The following POMGNT2 variants were observed in gnomAD, a reference collection of about 807,000 sequenced individuals.
The protein encoded by POMGNT2 is protein O-linked-mannose beta-1,4-N-acetylglucosaminyltransferase 2.
POMGNT2 carries 32 observed loss-of-function variants against 37.8 expected under a neutral mutation model. The observed-to-expected ratio is 0.85, with a 90% CI of 0.64 to 1.14. The LOEUF is 1.14. Ranked by LOEUF, POMGNT2 falls within the 50% of genes most tolerant of loss-of-function variation. The pLI is 0.00. For missense variants in POMGNT2, 705 were observed against 780.6 expected (o/e 0.90, Z 1.15); for synonymous variants, 340 against 336.8 (o/e 1.01, Z -0.10).
intron 1 of POMGNT2, among the ~76,000 whole-genome samples, chr3:43,083,458 G>C (rs896473403): frequency 6.6e-6 from 1 of 152,148 alleles, no homozygotes; most frequent in Non-Finnish European, 1.5e-5. Context: ...TATGGCTCAG[G>C]CATCTGCATT....
At position 43,098,113 on chromosome 3, in the gene POMGNT2, T is replaced by C. The variant is rs1015475404; in HGVS notation, c.-106+7723A>G. Among the ~76,000 whole-genome samples, 8 of 152,380 alleles carry C rather than the reference T, an allele frequency of 5.3e-5. 1 individual carries two copies. The highest frequency in any genetic ancestry group is 3.3e-4 in the Admixed American group (5 of 15,310). ...GGGTCAGCAACGGTGCAGAAGGTTT[T>C]ATATTTTACTTTCACAGCAATTTGA... On this transcript the variant is annotated intron_variant, in intron 1 of 1. Coordinates refer to ENST00000344697, the MANE Select transcript of POMGNT2 (RefSeq NM_032806.6). The surrounding 1 kb of genome is among the most constrained non-coding windows in gnomAD (Gnocchi z 4.3).
At chr3:43,087,271 T>C (rs1199625310) in intron 1 of POMGNT2, among the ~76,000 whole-genome samples, 2 of 152,196 alleles carry the variant, frequency 1.3e-5, no homozygotes, top group Non-Finnish European at 2.9e-5. Flanking sequence ...AGAAAACTAA[T>C]ATAGGGACCA....
Position 43,080,228 on chromosome 3 carries a change from CTG to C in POMGNT2, c.1202_1203del (p.Thr401SerfsTer5), listed in dbSNP as rs756456026. On this transcript the variant is annotated frameshift_variant, in exon 2 of 2. Transcript: ENST00000344697. LOFTEE classifies it high-confidence loss of function. Reference sequence around the variant, plus strand: ...TCCCAGGGCCGCTCAGGGTGTGTGACTGTGTTCTCTGGCATCATGTTCCGCCA... The same window carrying C: ...TCCCAGGGCCGCTCAGGGTGTGTGACTGTTCTCTGGCATCATGTTCCGCCA... The part of the protein sequence containing the change: ...VAWRNMMPEN[T>X]VTHPERPWDQ... 6.2e-6 allele frequency: 10 copies of C among 1,614,180 alleles called. No individual in the cohort carries two copies. Among genetic ancestry groups the C allele is most frequent in the Non-Finnish European group, 8.5e-6 (10 of 1,180,032 alleles).
Position 43,081,054 on chromosome 3 carries a change from G to A in POMGNT2, c.378C>T (p.Asn126=). The A allele has an allele frequency of 1.2e-6, 2 of 1,614,246 alleles. No homozygotes were observed. Among genetic ancestry groups the A allele is most frequent in the Non-Finnish European group, 1.7e-6 (2 of 1,180,050 alleles). The part of the protein sequence containing the change: ...LLDLSTVEDH[N]TQYFNFVELP... ...GCTCCACGAAGTTGAAGTACTGAGT[G>A]TTGTGGTCCTCCACGGTGGATAGGT... The change falls in exon 2 of 2, where the codon AAC becomes AAT. Residue 126 remains asparagine, a synonymous_variant. Transcript: ENST00000344697.
At chr3:43,103,601 A>G (rs2090035198) in intron 1 of POMGNT2, among the ~76,000 whole-genome samples, 1 of 152,112 alleles carries the variant, frequency 6.6e-6, no homozygotes, top group Non-Finnish European at 1.5e-5. Context: ...GAGGAAACAC[A>G]CAGCCAGGCT....
chr3:43,081,418 G>T lies in POMGNT2; in HGVS notation c.14C>A (p.Ala5Glu), dbSNP rs554958082. Reference sequence around the variant, plus strand: ...CGACACCAGGAGGGCGTTGAACACCGCCGAGAGGTGCATCCTAATGCCACT... The same window carrying T: ...CGACACCAGGAGGGCGTTGAACACCTCCGAGAGGTGCATCCTAATGCCACT... Reference protein sequence around the residue: MHLSAVFNALLVSVL... With the variant: MHLSEVFNALLVSVL... The change falls in exon 2 of 2, where the codon GCG (alanine) becomes GAG (glutamate). Residue 5 changes from alanine (A) to glutamate (E), a missense_variant. By Grantham distance (107) the Ala-to-Glu change is moderately radical (BLOSUM62 -1). Transcript: ENST00000344697. The T allele has an allele frequency of 1.9e-6, 3 of 1,570,288 alleles. No homozygotes were observed. In the Admixed American group the frequency reaches 5.4e-5, roughly 28 times the overall value.
intron 1 of POMGNT2, among the ~76,000 whole-genome samples, chr3:43,096,576 C>G (rs1032407073): frequency 1.3e-5 from 2 of 152,064 alleles, no homozygotes; most frequent in Non-Finnish European, 2.9e-5. Context: ...GTTAATAGCC[C>G]AGGCACCATT....
intron 1 of POMGNT2, among the ~76,000 whole-genome samples, chr3:43,092,492 C>A (rs1259225484): frequency 6.6e-6 from 1 of 152,154 alleles, no homozygotes; most frequent in Non-Finnish European, 1.5e-5. Context: ...AGAAAGGGGT[C>A]TGGCCATGTT....
At position 43,081,516 on chromosome 3, in the gene POMGNT2, A is replaced by G. The variant is rs1333672343; in HGVS notation, c.-85T>C. 2 of 1,165,418 alleles carry G rather than the reference A, an allele frequency of 1.7e-6. No homozygotes were observed. Among genetic ancestry groups the G allele is most frequent in the Non-Finnish European group, 2.4e-6 (2 of 843,716 alleles). The allele number at this position is 1,165,418 out of a possible 1,614,324, so 72.2% of individuals were successfully genotyped here. A position where few individuals can be genotyped will look rare whatever the true frequency, so the allele number is the denominator to read the frequency against. On this transcript the variant is annotated 5_prime_UTR_variant, in exon 2 of 2. It removes an upstream start codon present in the reference 5' UTR. Transcript: ENST00000344697. ...GCAGGCTTCACCCATCCCTATGGGC[A>G]TCCTGAGAACTGGTGAAAGCCTGCA...
At chr3:43,086,587 C>T (rs1420655422) in intron 1 of POMGNT2, among the ~76,000 whole-genome samples, 3 of 152,196 alleles carry the variant, frequency 2.0e-5, no homozygotes, top group Non-Finnish European at 4.4e-5. Context: ...AAGGGCCAAA[C>T]GTTGCAGCAG....
chr3:43,079,920 G>A lies in POMGNT2; in HGVS notation c.1512C>T (p.Val504=). Residue 504 remains valine, a synonymous_variant, in exon 2 of 2, where the codon GTC becomes GTT. Transcript: ENST00000344697. ...TAAGGTTCCATGGGATCTGCCAGGA[G>A]ACAGTGAGGCGGGCCTCGGAGGCGC... is the stretch of plus-strand genomic sequence containing the variant. ...VHGASEARLT[V]SWQIPWNLKY... is the part of the protein sequence containing the mutation. 1 of 1,614,148 alleles carries A rather than the reference G, an allele frequency of 6.2e-7. No homozygotes were observed. Among genetic ancestry groups the A allele is most frequent in the Non-Finnish European group, 8.5e-7 (1 of 1,180,026 alleles).
rs765996959 is a variant in POMGNT2 at position 43,080,349 on chromosome 3, C to T, written c.1083G>A (p.Val361=). ...TGACAGCATATGGGAAGAGCTCTAC[C>T]ACAGTTGCCCCACGGGGCAGGAAGA... ...TTLFLPRGAT[V]VELFPYAVNP... is the part of the protein sequence containing the mutation. Residue 361 remains valine, a synonymous_variant, in exon 2 of 2, where the codon GTG becomes GTA. Transcript: ENST00000344697. 8.7e-6 allele frequency: 14 copies of T among 1,613,982 alleles called. No individual in the cohort carries two copies. The African/African-American group carries it at 1.5e-4, about 17-fold the overall frequency.
At chr3:43,104,771 C>T (rs1252198051) in intron 1 of POMGNT2, among the ~76,000 whole-genome samples, 2 of 152,208 alleles carry the variant, frequency 1.3e-5, no homozygotes, top group Admixed American at 6.5e-5. Flanking sequence ...ATTTGCCACA[C>T]ACTTACTGTT....
At chr3:43,089,043 C>G (rs1056803015) in intron 1 of POMGNT2, among the ~76,000 whole-genome samples, 1 of 152,202 alleles carries the variant, frequency 6.6e-6, no homozygotes, top group Non-Finnish European at 1.5e-5. Flanking sequence ...TCAGTTTCCC[C>G]TGGACTCTTC....
In POMGNT2 at chr3:43,079,666, G is replaced by A. The variant is rs766377193; in HGVS notation, c.*23C>T. 1.4e-5 allele frequency: 22 copies of A among 1,589,484 alleles called. No individual in the cohort carries two copies. Among genetic ancestry groups the A allele is most frequent in the Admixed American group, 1.0e-4 (6 of 58,080 alleles). ...GCTGAACTGCAGGAGCCACCTTCCC[G>A]AGGCCAGGCTGTGGCCTGCTCGCTA... On this transcript the variant is annotated 3_prime_UTR_variant, in exon 2 of 2. Coordinates refer to ENST00000344697, the MANE Select transcript of POMGNT2 (RefSeq NM_032806.6).
At chr3:43,089,098 T>C (rs898257632) in intron 1 of POMGNT2, among the ~76,000 whole-genome samples, 2 of 152,174 alleles carry the variant, frequency 1.3e-5, no homozygotes, top group Non-Finnish European at 2.9e-5. Context: ...AACCTTTTCA[T>C]GAGACATGAA....
chr3:43,105,123 G>C (rs2090048078), intron 1 of POMGNT2, among the ~76,000 whole-genome samples: 1 of 152,224 alleles, frequency 6.6e-6, no homozygotes, highest in South Asian at 2.1e-4. Flanking sequence ...AAAGTAGGCA[G>C]ACACTGGTCG....
At chr3:43,105,012 C>T (rs560826244) in intron 1 of POMGNT2, among the ~76,000 whole-genome samples, 17 of 152,338 alleles carry the variant, frequency 1.1e-4, no homozygotes, top group Non-Finnish European at 2.2e-4. Flanking sequence ...ATGCTCTTAG[C>T]TACTAAGTCC....
At chr3:43,093,507 GA>G in intron 1 of POMGNT2, among the ~76,000 whole-genome samples, 1 of 152,312 alleles carries the variant, frequency 6.6e-6, no homozygotes, top group East Asian at 1.9e-4. Flanking sequence ...CTTCCAAGGG[GA>G]AAATGGGAAG....
Sources: gnomAD v4.1 joint callset for allele counts (sites outside exome capture counted in the v4.1 genomes callset) on GRCh38, gnomAD v4.1.1 for gene constraint, Gnocchi (gnomAD v3.1) non-coding constraint, MANE v1.5 for transcripts, NCBI Gene and HGNC (gene_info 2026-07-23, HGNC 2026-07-21) for gene names.